Variants in ST3GAL3 observed in about 807,000 individuals in gnomAD.
The protein encoded by ST3GAL3 is ST3 beta-galactoside alpha-2,3-sialyltransferase 3, also known as CMP-N-acetylneuraminate-beta-1,4-galactoside alpha-2,3-sialyltransferase.
A neutral mutation model predicts 50.1 loss-of-function variants in ST3GAL3; 21 were observed. The observed-to-expected ratio is 0.42, with a 90% CI of 0.30 to 0.60. The LOEUF (loss-of-function observed/expected upper bound fraction) is 0.60. Among genes scored for constraint, ST3GAL3 ranks in the 20% least tolerant of loss-of-function variants. ST3GAL3 has a pLI of 0.19. For missense variants in ST3GAL3, 353 were observed against 489.4 expected, an observed-to-expected ratio of 0.72 and a Z score of 2.63; for synonymous variants, 183 against 190.0, an observed-to-expected ratio of 0.96 and a Z score of 0.30.
intron 7 of ST3GAL3, 149 bp downstream of exon 7, chr1:43,898,447 G>A (rs2077714334): frequency 1.2e-6 from 1 of 822,320 alleles, no homozygotes; most frequent in South Asian, 1.4e-5. Context: ...GGGTGGAGCA[G>A]GTAAGTGGAA....
chr1:43,904,702 CG>C (rs2078858026), intron 9 of ST3GAL3, among the ~76,000 whole-genome samples: 2 of 150,432 alleles, frequency 1.3e-5, no homozygotes, highest in African/African-American at 2.4e-5. Context: ...CTCTTCCTCC[CG>C]CTCCCTGTCA....
chr1:43,859,587 T>G (rs1025797648), intron 5 of ST3GAL3, among the ~76,000 whole-genome samples: 1 of 151,870 alleles, frequency 6.6e-6, no homozygotes, highest in Admixed American at 6.6e-5. Flanking sequence ...ACCAGATGAT[T>G]GGAAAAACAA....
chr1:43,845,173 G>A (rs2066033901), intron 5 of ST3GAL3, among the ~76,000 whole-genome samples: 1 of 152,072 alleles, frequency 6.6e-6, no homozygotes, highest in Non-Finnish European at 1.5e-5. Context: ...AGTAGAGATG[G>A]TGTTTCGCCA....
intron 1 of ST3GAL3, chr1:43,727,439 A>G (rs1311593282): frequency 6.6e-6 from 1 of 152,200 alleles, no homozygotes; most frequent in Non-Finnish European, 1.5e-5. Context: ...TTCTCAAGTG[A>G]GAGAAGTGCA....
Position 43,930,277 on chromosome 1 carries a change from A to G in ST3GAL3, c.*56A>G. On this transcript the variant is annotated 3_prime_UTR_variant, in exon 12 of 12. Transcript: ENST00000347631. ...GGCACCACCAGGAGCAGCAGCCAGCACCACCTACACAGGAGTCTTCAGACC... is the reference window on the plus strand; with the variant it reads ...GGCACCACCAGGAGCAGCAGCCAGCGCCACCTACACAGGAGTCTTCAGACC... 1 of 1,530,926 alleles carries G rather than the reference A, an allele frequency of 6.5e-7. No homozygotes were observed. Among genetic ancestry groups the G allele is most frequent in the Non-Finnish European group, 9.0e-7 (1 of 1,108,394 alleles). 94.8% of individuals were successfully genotyped at this position (1,530,926 alleles called of 1,614,324 possible).
intron 2 of ST3GAL3, among the ~76,000 whole-genome samples, chr1:43,791,546 G>A (rs2058082398): frequency 6.6e-6 from 1 of 152,158 alleles, no homozygotes; most frequent in Non-Finnish European, 1.5e-5. Context: ...GTTTGCGTAG[G>A]TACTCATGGC....
chr1:43,878,084 C>G (rs2074425034), intron 5 of ST3GAL3, among the ~76,000 whole-genome samples: 2 of 152,166 alleles, frequency 1.3e-5, no homozygotes, highest in African/African-American at 4.8e-5. Context: ...CCTCCAGATG[C>G]TCTAGGTCAT....
At chr1:43,917,649 AATATAATATATAATATATAT>A (rs1557541263) in intron 9 of ST3GAL3, among the ~76,000 whole-genome samples, 2 of 68,558 alleles carry the variant, frequency 2.9e-5, no homozygotes, top group African/African-American at 1.1e-4. Context: ...TATAATATAT[AATATAATATATAATATATAT>A]TATATATATA....
chr1:43,844,388 A>G (rs1277772499), intron 5 of ST3GAL3, among the ~76,000 whole-genome samples: 1 of 152,240 alleles, frequency 6.6e-6, no homozygotes, highest in Non-Finnish European at 1.5e-5. Context: ...TCTCATGAGA[A>G]CAAAAGATAT....
chr1:43,801,992 C>A (rs1573128000), intron 3 of ST3GAL3, among the ~76,000 whole-genome samples: 1 of 78,062 alleles, frequency 1.3e-5, no homozygotes, highest in East Asian at 3.5e-4. Flanking sequence ...AGAGTGAGAC[C>A]CTGTGTCAAA....
intron 9 of ST3GAL3, among the ~76,000 whole-genome samples, chr1:43,910,532 A>G (rs1402726452): frequency 6.6e-6 from 1 of 152,282 alleles, no homozygotes; most frequent in Non-Finnish European, 1.5e-5. Context: ...AATGACAGTC[A>G]CCTTCTGAGA....
chr1:43,792,286 C>T (rs2058175740), intron 3 of ST3GAL3, 137 bp downstream of exon 3: 1 of 1,137,924 alleles, frequency 8.8e-7, no homozygotes, highest in Non-Finnish European at 1.3e-6. Flanking sequence ...AGAAGCCTTT[C>T]TAGAGACTTT....
intron 9 of ST3GAL3, chr1:43,920,164 T>TGTAG: frequency 1.8e-5 from 10 of 567,468 alleles, no homozygotes; most frequent in South Asian, 9.8e-5. Context: ...ACTCCCTTCG[T>TGTAG]ATCCTCCTCT....
chr1:43,824,999 T>A (rs2062600179), intron 4 of ST3GAL3: 1 of 705,786 alleles, frequency 1.4e-6, no homozygotes, highest in Non-Finnish European at 2.6e-6. Flanking sequence ...CAAGAATAAA[T>A]CTGCCTGTAC....
chr1:43,855,272 T>A (rs530118326), intron 5 of ST3GAL3, among the ~76,000 whole-genome samples: 1 of 152,136 alleles, frequency 6.6e-6, no homozygotes, highest in Non-Finnish European at 1.5e-5. Context: ...GGATCATAAT[T>A]CCAAAAGACA....
intron 2 of ST3GAL3, among the ~76,000 whole-genome samples, chr1:43,744,683 TAAATA>T (rs1553270731): frequency 1.4e-5 from 2 of 143,064 alleles, no homozygotes; most frequent in African/African-American, 5.5e-5. Flanking sequence ...AATAAATAAA[TAAATA>T]AAATAAAATA....
intron 5 of ST3GAL3, 127 bp from the exon 6 acceptor site, chr1:43,894,256 A>AG: frequency 6.7e-6 from 6 of 892,554 alleles, no homozygotes; most frequent in Non-Finnish European, 1.1e-5. Flanking sequence ...GGCTGGGTGG[A>AG]GGGGGGTATG....
intron 5 of ST3GAL3, among the ~76,000 whole-genome samples, chr1:43,867,098 C>T (rs950944465): frequency 2.6e-5 from 4 of 152,216 alleles, no homozygotes; most frequent in Non-Finnish European, 4.4e-5. Flanking sequence ...CCACTGCACT[C>T]CAGCCTGGGT....
intron 4 of ST3GAL3, 56 bp from the exon 5 acceptor site, chr1:43,838,163 T>C: frequency 1.0e-6 from 1 of 973,688 alleles, no homozygotes; most frequent in Non-Finnish European, 1.6e-6. Flanking sequence ...TATGAATTAA[T>C]AACCCACTCA....
Sources: allele counts gnomAD v4.1 joint callset (sites outside exome capture counted in the v4.1 genomes callset), GRCh38; gene constraint gnomAD v4.1.1; transcripts MANE v1.5; gene names NCBI Gene and HGNC (gene_info 2026-07-23, HGNC 2026-07-21).